The following TMEM178B variants were observed in gnomAD, a reference collection of about 807,000 sequenced individuals.
TMEM178B encodes transmembrane protein 178B.
In TMEM178B, 5 loss-of-function variants were observed where a neutral mutation model predicts 31.0. That is an observed-to-expected ratio of 0.16 (90% CI 0.08 to 0.34). The LOEUF (loss-of-function observed/expected upper bound fraction) is 0.34, where lower values mean the gene tolerates loss of function less well. Among genes scored for constraint, TMEM178B ranks in the 10% least tolerant of loss-of-function variants. TMEM178B has a pLI of 1.00. For synonymous variants in TMEM178B, 164 were observed against 164.0 expected (o/e 1.00, Z 0.00); for missense variants, 275 against 400.3 (o/e 0.69, Z 2.67).
chr7:141,076,503 G>T (rs1794602319), intron 1 of TMEM178B, among the ~76,000 whole-genome samples: 3 of 152,138 alleles, frequency 2.0e-5, no homozygotes, highest in Admixed American at 1.3e-4. Context: ...AGAGAAAGGG[G>T]GATGGAATTC....
chr7:141,331,525 G>A (rs1799300557), intron 2 of TMEM178B, among the ~76,000 whole-genome samples: 1 of 152,144 alleles, frequency 6.6e-6, no homozygotes, highest in Non-Finnish European at 1.5e-5. Flanking sequence ...GAAGTGCAAT[G>A]GTGAGCTTGA....
At chr7:141,101,778 GT>G (rs1158036297) in intron 1 of TMEM178B, among the ~76,000 whole-genome samples, 1 of 152,204 alleles carries the variant, frequency 6.6e-6, no homozygotes, top group East Asian at 1.9e-4. Context: ...TGTCCAGTGT[GT>G]AGTGAGCTGA....
chr7:141,133,703 A>G (rs1795630911), intron 1 of TMEM178B, among the ~76,000 whole-genome samples: 1 of 152,226 alleles, frequency 6.6e-6, no homozygotes, highest in Non-Finnish European at 1.5e-5. Context: ...AAGTCTTGCA[A>G]GAGATATAGA....
intron 2 of TMEM178B, among the ~76,000 whole-genome samples, chr7:141,215,661 T>C (rs1797120953): frequency 6.6e-6 from 1 of 152,038 alleles, no homozygotes; most frequent in South Asian, 2.1e-4. Context: ...TAATATCTTG[T>C]ATTCTGTAAT....
intron 1 of TMEM178B, among the ~76,000 whole-genome samples, chr7:141,134,412 A>G (rs1436070832): frequency 6.6e-6 from 1 of 152,228 alleles, no homozygotes; most frequent in Non-Finnish European, 1.5e-5. Context: ...GAGGACATCC[A>G]TCACCACTAG....
chr7:141,495,197 A>G, the TMEM178B span, among the ~76,000 whole-genome samples: 1 of 152,196 alleles, frequency 6.6e-6, no homozygotes, highest in Non-Finnish European at 1.5e-5. Context: ...AGACCAGCTA[A>G]ATATTCAGCC....
chr7:141,404,027 C>T (rs373689935), intron 2 of TMEM178B, among the ~76,000 whole-genome samples: 7 of 152,170 alleles, frequency 4.6e-5, no homozygotes, highest in South Asian at 2.1e-4. Context: ...TGGAAATTGC[C>T]GGGCATGGTG....
intron 2 of TMEM178B, among the ~76,000 whole-genome samples, chr7:141,342,577 A>T (rs1378725388): frequency 6.6e-6 from 1 of 152,180 alleles, no homozygotes; most frequent in Non-Finnish European, 1.5e-5. Context: ...GGCTAGGCTC[A>T]CCTGTTAGGT....
At chr7:141,323,654 A>G (rs1191563776) in intron 2 of TMEM178B, among the ~76,000 whole-genome samples, 8 of 152,188 alleles carry the variant, frequency 5.3e-5, no homozygotes, top group African/African-American at 1.9e-4. Flanking sequence ...TATATATTCA[A>G]CAAGTATTTA....
chr7:141,255,260 G>A (rs954908771), intron 2 of TMEM178B, among the ~76,000 whole-genome samples: 1 of 152,184 alleles, frequency 6.6e-6, no homozygotes, highest in Non-Finnish European at 1.5e-5. Context: ...GGGTGGGATA[G>A]GGGTGAAGGT....
intron 2 of TMEM178B, among the ~76,000 whole-genome samples, chr7:141,414,080 T>TATGGCTGTGTAATAGCTCATAATG (rs1586944675): frequency 1.1e-4 from 6 of 52,666 alleles, no homozygotes; most frequent in South Asian, 1.2e-3. Context: ...ACATCATTTT[T>TATGGCTGTGTAATAGCTCATAATG]TTTTTTTTTT....
intron 3 of TMEM178B, among the ~76,000 whole-genome samples, chr7:141,450,307 A>G (rs575590983): frequency 1.3e-5 from 2 of 152,234 alleles, no homozygotes; most frequent in South Asian, 4.1e-4. Flanking sequence ...GTTATTCATG[A>G]AGTGGGCAAC....
At chr7:141,251,871 C>T (rs1797839491) in intron 2 of TMEM178B, among the ~76,000 whole-genome samples, 1 of 152,164 alleles carries the variant, frequency 6.6e-6, no homozygotes, top group Admixed American at 6.5e-5. Context: ...TGACAACTCA[C>T]CTTTTACTGT....
chr7:141,104,051 A>T (rs1327987610), intron 1 of TMEM178B, among the ~76,000 whole-genome samples: 1 of 152,166 alleles, frequency 6.6e-6, no homozygotes, highest in African/African-American at 2.4e-5. Context: ...CAACCGAAAA[A>T]ACCATTCATG....
intron 2 of TMEM178B, among the ~76,000 whole-genome samples, chr7:141,415,607 T>C (rs1801082182): frequency 6.6e-6 from 1 of 152,166 alleles, no homozygotes; most frequent in Non-Finnish European, 1.5e-5. Flanking sequence ...CTAGTTACTG[T>C]AGAGGCAAAA....
At chr7:141,117,198 A>G (rs1795332813) in intron 1 of TMEM178B, among the ~76,000 whole-genome samples, 1 of 152,142 alleles carries the variant, frequency 6.6e-6, no homozygotes. Context: ...CTTTTTAACG[A>G]TTGCCATTCT....
chr7:141,186,942 A>C (rs1796618593), intron 1 of TMEM178B, among the ~76,000 whole-genome samples: 1 of 151,896 alleles, frequency 6.6e-6, no homozygotes, highest in Admixed American at 6.6e-5. Context: ...TTTTTTTAAA[A>C]ATTTTATTAT....
intron 1 of TMEM178B, among the ~76,000 whole-genome samples, chr7:141,154,779 G>A (rs1235042258): frequency 6.6e-6 from 1 of 151,526 alleles, no homozygotes; most frequent in Non-Finnish European, 1.5e-5. Context: ...GCCCAGGCTG[G>A]AGTGCAATGG....
At chr7:141,403,287 G>A (rs2116622936) in intron 2 of TMEM178B, among the ~76,000 whole-genome samples, 1 of 152,296 alleles carries the variant, frequency 6.6e-6, no homozygotes, top group Non-Finnish European at 1.5e-5. Context: ...TCTACTACTT[G>A]TGTGATCCTG....
Sources: allele counts gnomAD v4.1 joint callset (sites outside exome capture counted in the v4.1 genomes callset), GRCh38; gene constraint gnomAD v4.1.1; transcripts MANE v1.5; gene names NCBI Gene and HGNC (gene_info 2026-07-23, HGNC 2026-07-21).